TRABD: variants seen among roughly 807,000 people sequenced by gnomAD.
TRABD encodes the protein TraB domain containing.
Under a neutral mutation model 39.6 loss-of-function variants are expected in TRABD, and 23 were observed. The observed-to-expected ratio is 0.58, with a 90% CI of 0.42 to 0.82. The LOEUF is 0.82. Ranked by LOEUF, TRABD falls within the 40% of genes least tolerant of loss-of-function variation. TRABD has a pLI of 0.00. For missense variants in TRABD, 487 were observed against 544.9 expected (o/e 0.89, Z 1.06); for synonymous variants, 243 against 232.1 (o/e 1.05, Z -0.43).
At chr22:50,192,823 C>A (rs1313413010) in intron 1 of TRABD, among the ~76,000 whole-genome samples, 1 of 16,070 alleles carries the variant, frequency 6.2e-5, no homozygotes, top group Non-Finnish European at 1.1e-4. Flanking sequence ...TGGGGACCTG[C>A]TGGCCTTTCC....
rs1009439617 is a variant in TRABD at position 50,199,273 on chromosome 22, G to A, written c.*754G>A. The A allele has an allele frequency of 5.4e-5, 33 of 605,788 alleles. No individual in the cohort carries two copies. The highest frequency in any genetic ancestry group is 9.3e-5 in the South Asian group (5 of 53,496). The allele number at this position is 605,788 out of a possible 1,614,324, so 37.5% of individuals were successfully genotyped here. ...CTGGGAGCCTGTGTCCTGAGCCCCC[G>A]GAGCGAAGGGGTGCCTGGGGCATCT... On this transcript the variant is annotated 3_prime_UTR_variant, in exon 10 of 10. Coordinates refer to ENST00000380909, the MANE Select transcript of TRABD (RefSeq NM_001320485.2).
At chr22:50,197,764 G>GGGCCCCCCCCCCCCCCCCCCGC in intron 7 of TRABD, 59 bp from the exon 8 acceptor site, 1 of 1,284,792 alleles carries the variant, frequency 7.8e-7, no homozygotes, top group Non-Finnish European at 1.1e-6. Context: ...CACAGTGCCA[G>GGGCCCCCCCCCCCCCCCCCCGC]CCCCACCCCC....
Position 50,198,058 on chromosome 22 carries a change from C to G in TRABD, c.845-17C>G. ...CTGAGGCCCGAGCAGGTACTGACCCCTTGTCCTTCCCCACAGCCGAGCCCA... is the reference window on the plus strand; with the variant it reads ...CTGAGGCCCGAGCAGGTACTGACCCGTTGTCCTTCCCCACAGCCGAGCCCA... On this transcript the variant is annotated splice_polypyrimidine_tract_variant and intron_variant, in intron 8 of 9. Coordinates refer to ENST00000380909, the MANE Select transcript of TRABD (RefSeq NM_001320485.2). The surrounding 1 kb of genome is among the most constrained non-coding windows in gnomAD (Gnocchi z 7.9). The G allele has an allele frequency of 6.2e-7, 1 of 1,612,384 alleles. No homozygotes were observed. Among genetic ancestry groups the G allele is most frequent in the Non-Finnish European group, 8.5e-7 (1 of 1,179,536 alleles).
In TRABD at chr22:50,194,426, TTGG is replaced by T. The variant is rs1569084959; in HGVS notation, c.203_205del (p.Val68del). On this transcript the variant is annotated inframe_deletion, in exon 4 of 10. Coordinates refer to ENST00000380909, the MANE Select transcript of TRABD (RefSeq NM_001320485.2). ...CAACCTGCCGCGCACTGTGACCCAGTTGGTGGCTGAGGACGGGAGCAGGGTGTA... is the reference window on the plus strand; with the variant it reads ...CAACCTGCCGCGCACTGTGACCCAGTTGGCTGAGGACGGGAGCAGGGTGTA... The T allele has an allele frequency of 3.1e-6, 5 of 1,612,790 alleles. No individual in the cohort carries two copies. The highest frequency in any genetic ancestry group is 4.2e-6 in the Non-Finnish European group (5 of 1,179,714).
chr22:50,188,513 C>T lies in TRABD; in HGVS notation c.-35+2537C>T, dbSNP rs1309200663. On this transcript the variant is annotated intron_variant, in intron 1 of 9. Transcript: ENST00000380909. ...GTGCTGGTCCCTGGTTGCCATGCAG[C>T]CTCCTGGCTTGTAGACGGGCCCCCG... is the stretch of plus-strand genomic sequence containing the variant. 2.6e-5 allele frequency among the ~76,000 whole-genome samples: 4 copies of T among 152,330 alleles called. No individual in the cohort carries two copies. In the South Asian group the frequency reaches 8.3e-4, roughly 32 times the overall value.
chr22:50,197,289 G>A lies in TRABD; in HGVS notation c.469G>A (p.Ala157Thr). 1 of 1,613,766 alleles carries A rather than the reference G, an allele frequency of 6.2e-7. No homozygotes were observed. ...GCAGATGCTGCTGCTGAAGGTGTCT[G>A]CACACATCACCGAGCAGCTGGGCAT... ...LMQMLLLKVS[A>T]HITEQLGMAP... Residue 157 changes from alanine to threonine, a missense_variant, in exon 6 of 10, where the codon GCA becomes ACA. Around this residue, in one of 3 missense-constraint regions of TRABD, gnomAD observed 358 missense variants for 414.7 expected, o/e 0.86. Coordinates refer to ENST00000380909, the MANE Select transcript of TRABD (RefSeq NM_001320485.2).
chr22:50,197,565 G>C lies in TRABD; in HGVS notation c.648G>C (p.Leu216=). ...FWQKVRLAWG[L]CFLSDPISKD... ...AGAAGGTCAGGCTGGCTTGGGGCCTGTGCTTCCTGTCAGACCCCATCAGGT... is the reference window on the plus strand; with the variant it reads ...AGAAGGTCAGGCTGGCTTGGGGCCTCTGCTTCCTGTCAGACCCCATCAGGT... Residue 216 remains leucine (L), a synonymous_variant, in exon 7 of 10, where the codon CTG becomes CTC. Transcript: ENST00000380909. 2 of 1,613,314 alleles carry C rather than the reference G, an allele frequency of 1.2e-6. No individual in the cohort carries two copies. The highest frequency in any genetic ancestry group is 1.7e-6 in the Non-Finnish European group (2 of 1,180,002).
In TRABD at chr22:50,197,242, A is replaced by G. The variant is rs1245382154; in HGVS notation, c.422A>G (p.Asn141Ser). ...LEKLQQAVRQ[N>S]GLMSGLMQML... ...GATGCCTGCTCCCTCTCTCTGCAGAACGGGCTCATGTCGGGGCTGATGCAG... is the reference window on the plus strand; with the variant it reads ...GATGCCTGCTCCCTCTCTCTGCAGAGCGGGCTCATGTCGGGGCTGATGCAG... The change falls in exon 6 of 10, where the codon AAC becomes AGC. Residue 141 changes from asparagine (N) to serine (S), a missense_variant and splice_region_variant. Physicochemically the swap from Asn to Ser is conservative, Grantham distance 46 (BLOSUM62 1). This residue lies in a region of TRABD where 358 missense variants were observed against 414.7 expected (regional missense o/e 0.86). Transcript: ENST00000380909. 3 of 1,612,938 alleles carry G rather than the reference A, an allele frequency of 1.9e-6. No homozygotes were observed. The African/African-American group carries it at 4.0e-5, about 22-fold the overall frequency.
At chr22:50,189,927 G>T (rs1048107953) in intron 1 of TRABD, among the ~76,000 whole-genome samples, 16 of 152,380 alleles carry the variant, frequency 1.1e-4, no homozygotes, top group Admixed American at 4.6e-4. Flanking sequence ...AGCATCTGTG[G>T]CTTTTGGGCC....
chr22:50,188,685 A>C (rs1263813909), intron 1 of TRABD, among the ~76,000 whole-genome samples: 2 of 152,202 alleles, frequency 1.3e-5, no homozygotes, highest in African/African-American at 4.8e-5. Context: ...AGTGGGAGTT[A>C]GGGCTCTAAC....
Position 50,199,080 on chromosome 22 carries a change from T to C in TRABD, c.*561T>C. On this transcript the variant is annotated 3_prime_UTR_variant, in exon 10 of 10. Coordinates refer to ENST00000380909, the MANE Select transcript of TRABD (RefSeq NM_001320485.2). The stretch of plus-strand genomic sequence containing the variant: ...TTCTGTGTTTTTGGCTTTTTTAATG[T>C]CTTAAAATCTTTTACTCAGGTAATT... 1.4e-6 allele frequency: 1 copy of C among 715,098 alleles called. No individual in the cohort carries two copies. The highest frequency in any genetic ancestry group is 2.6e-6 in the Non-Finnish European group (1 of 383,812). The allele number at this position is 715,098 out of a possible 1,614,324, so 44.3% of individuals were successfully genotyped here.
chr22:50,199,025 C>T lies in TRABD; in HGVS notation c.*506C>T. ...CCCCTGGCATCCTGGCCCTGGCCGC[C>T]ACCTCCCTGGCACCGTCTGCCTGCA... On this transcript the variant is annotated 3_prime_UTR_variant, in exon 10 of 10. Coordinates refer to ENST00000380909, the MANE Select transcript of TRABD (RefSeq NM_001320485.2). The T allele has an allele frequency of 1.2e-5, 8 of 685,240 alleles. 1 individual carries two copies. In the South Asian group the frequency reaches 1.2e-4, roughly 11 times the overall value. The allele number at this position is 685,240 out of a possible 1,614,324, so 42.4% of individuals were successfully genotyped here. A position where few individuals can be genotyped will look rare whatever the true frequency, so the allele number is the denominator to read the frequency against.
intron 2 of TRABD, 53 bp downstream of exon 2, chr22:50,193,146 G>T (rs1024042435): frequency 5.3e-6 from 8 of 1,502,562 alleles, no homozygotes; most frequent in Non-Finnish European, 7.1e-6. Context: ...GGGCTTCCCC[G>T]CTTTGTGGGC....
intron 2 of TRABD, 110 bp downstream of exon 2, chr22:50,193,203 A>G (rs1378009870): frequency 7.7e-7 from 1 of 1,300,190 alleles, no homozygotes; most frequent in East Asian, 2.5e-5. Context: ...TGATCTTCAC[A>G]GGGTTCTCCA....
chr22:50,198,607 G>T lies in TRABD; in HGVS notation c.*88G>T. ...CCAGGTGCATCCTAGCCCGCCCGAG[G>T]CCCCTGCCACCCCCCATGGGGGTCT... On this transcript the variant is annotated 3_prime_UTR_variant, in exon 10 of 10. Coordinates refer to ENST00000380909, the MANE Select transcript of TRABD (RefSeq NM_001320485.2). This position sits in a 1 kb window ranked among gnomAD's most constrained non-coding sequence, Gnocchi z 7.9. The T allele has an allele frequency of 1.5e-6, 2 of 1,354,520 alleles. No individual in the cohort carries two copies. Among genetic ancestry groups the T allele is most frequent in the Non-Finnish European group, 1.9e-6 (2 of 1,034,798 alleles). 83.9% of individuals were successfully genotyped at this position (1,354,520 alleles called of 1,614,324 possible).
chr22:50,198,250 T>C lies in TRABD; in HGVS notation c.956+64T>C. 6.8e-7 allele frequency: 1 copy of C among 1,469,724 alleles called. No homozygotes were observed. Among genetic ancestry groups the C allele is most frequent in the Non-Finnish European group, 9.2e-7 (1 of 1,087,562 alleles). 91.0% of individuals were successfully genotyped at this position (1,469,724 alleles called of 1,614,324 possible). ...GCCCCCAGGTGGAGGCTGAGCGCCC[T>C]GGAGGCCAACCACATGCGGCAGTGA... On this transcript the variant is annotated intron_variant, in intron 9 of 9. Coordinates refer to ENST00000380909, the MANE Select transcript of TRABD (RefSeq NM_001320485.2). This position sits in a 1 kb window ranked among gnomAD's most constrained non-coding sequence, Gnocchi z 7.9.
chr22:50,197,286 T>C lies in TRABD; in HGVS notation c.466T>C (p.Ser156Pro), dbSNP rs763308159. 1 of 1,613,610 alleles carries C rather than the reference T, an allele frequency of 6.2e-7. No homozygotes were observed. The highest frequency in any genetic ancestry group is 8.5e-7 in the Non-Finnish European group (1 of 1,180,010). The change falls in exon 6 of 10, where the codon TCT becomes CCT. Residue 156 changes from serine to proline, a missense_variant. Around this residue, in one of 3 missense-constraint regions of TRABD, gnomAD observed 358 missense variants for 414.7 expected, o/e 0.86. Transcript: ENST00000380909. Reference sequence around the variant, plus strand: ...GATGCAGATGCTGCTGCTGAAGGTGTCTGCACACATCACCGAGCAGCTGGG... The same window carrying C: ...GATGCAGATGCTGCTGCTGAAGGTGCCTGCACACATCACCGAGCAGCTGGG... ...GLMQMLLLKV[S>P]AHITEQLGMA...
intron 1 of TRABD, among the ~76,000 whole-genome samples, chr22:50,191,416 G>A (rs1336591691): frequency 6.6e-6 from 1 of 152,250 alleles, no homozygotes; most frequent in Admixed American, 6.5e-5. Context: ...CTGGGTCTGT[G>A]AGTCCTGGCT....
chr22:50,191,408 G>A (rs1000550203), intron 1 of TRABD, among the ~76,000 whole-genome samples: 11 of 152,238 alleles, frequency 7.2e-5, no homozygotes, highest in African/African-American at 2.7e-4. Flanking sequence ...GGACCCAGCT[G>A]GGTCTGTGAG....
Sources: allele counts gnomAD v4.1 joint callset (sites outside exome capture counted in the v4.1 genomes callset), GRCh38; gene constraint gnomAD v4.1.1; regional missense constraint gnomAD v4.1.1; non-coding constraint Gnocchi (gnomAD v3.1); transcripts MANE v1.5; gene names NCBI Gene and HGNC (gene_info 2026-07-23, HGNC 2026-07-21).